Variants in GRID1 observed in about 807,000 individuals in gnomAD.
GRID1 encodes glutamate receptor ionotropic, delta-1.
In GRID1, 28 loss-of-function variants were observed where a neutral mutation model predicts 98.0. That is an observed-to-expected ratio of 0.29 (90% CI 0.21 to 0.39). The LOEUF is 0.39. Ranked by LOEUF, GRID1 falls within the 10% of genes least tolerant of loss-of-function variation. The pLI is 1.00. For synonymous variants in GRID1, 553 were observed against 538.5 expected, an observed-to-expected ratio of 1.03 and a Z score of -0.37; for missense variants, 1,111 against 1,340.5, an observed-to-expected ratio of 0.83 and a Z score of 2.67.
At chr10:85,705,910 A>G (rs1455539659) in intron 12 of GRID1, among the ~76,000 whole-genome samples, 1 of 152,252 alleles carries the variant, frequency 6.6e-6, no homozygotes, top group Non-Finnish European at 1.5e-5. Context: ...AAACTTCAAC[A>G]GCATTTCATG....
At chr10:86,060,654 G>T (rs535040158) in intron 4 of GRID1, among the ~76,000 whole-genome samples, 1 of 152,182 alleles carries the variant, frequency 6.6e-6, no homozygotes, top group Non-Finnish European at 1.5e-5. Flanking sequence ...CAGGGCGCTG[G>T]CCTGGACTGG....
At chr10:85,758,489 C>T (rs2132695218) in intron 8 of GRID1, among the ~76,000 whole-genome samples, 1 of 152,254 alleles carries the variant, frequency 6.6e-6, no homozygotes, top group Non-Finnish European at 1.5e-5. Flanking sequence ...CATAGCTTCT[C>T]CTCATTGTTG....
At chr10:86,094,194 C>A (rs2131940236) in intron 4 of GRID1, among the ~76,000 whole-genome samples, 1 of 152,234 alleles carries the variant, frequency 6.6e-6, no homozygotes, top group Non-Finnish European at 1.5e-5. Flanking sequence ...AAGGGACATA[C>A]CTTAATGTAA....
chr10:85,713,436 C>T (rs929777804), intron 12 of GRID1, among the ~76,000 whole-genome samples: 3 of 151,440 alleles, frequency 2.0e-5, no homozygotes, highest in Non-Finnish European at 3.0e-5. Flanking sequence ...AAGAAAAATG[C>T]CAATCCTTCT....
chr10:85,633,300 G>A (rs1040276594), intron 13 of GRID1, among the ~76,000 whole-genome samples: 16 of 152,124 alleles, frequency 1.1e-4, no homozygotes, highest in Non-Finnish European at 2.2e-4. Flanking sequence ...TTATTCAGGA[G>A]CCCATTAATT....
At position 85,623,435 on chromosome 10, in the gene GRID1, C is replaced by T. The variant is rs575284257; in HGVS notation, c.2194-3402G>A. Among the ~76,000 whole-genome samples, 5 of 152,334 alleles carry T rather than the reference C, an allele frequency of 3.3e-5. No homozygotes were observed. In the South Asian group the frequency reaches 6.2e-4, roughly 19 times the overall value. On this transcript the variant is annotated intron_variant, in intron 13 of 15. Transcript: ENST00000327946. ...CAAAAACTCTAAGCTTTGCTTCCTC[C>T]TTGTAGGGTCAGAATCAGTTTTCCA...
At chr10:86,309,314 AC>A (rs2132087054) in intron 2 of GRID1, among the ~76,000 whole-genome samples, 1 of 152,330 alleles carries the variant, frequency 6.6e-6, no homozygotes, top group Admixed American at 6.5e-5. Flanking sequence ...CCCTCCTTAT[AC>A]TAATGATACA....
intron 12 of GRID1, among the ~76,000 whole-genome samples, chr10:85,679,912 G>C (rs774262449): frequency 6.6e-6 from 1 of 152,196 alleles, no homozygotes; most frequent in Non-Finnish European, 1.5e-5. Context: ...TGCAGGCAGT[G>C]ACCATGATGG....
chr10:85,967,270 A>G (rs1842349690), intron 4 of GRID1, among the ~76,000 whole-genome samples: 1 of 152,220 alleles, frequency 6.6e-6, no homozygotes, highest in Admixed American at 6.5e-5. Flanking sequence ...TACAGGTAAT[A>G]AAGACATCAC....
intron 3 of GRID1, among the ~76,000 whole-genome samples, chr10:86,190,600 C>T (rs918133563): frequency 6.6e-6 from 1 of 152,232 alleles, no homozygotes; most frequent in Non-Finnish European, 1.5e-5. Flanking sequence ...GTGTGCAGGG[C>T]CCCTGGAGCT....
chr10:86,184,407 T>C (rs112677591), intron 3 of GRID1, among the ~76,000 whole-genome samples: 2,359 of 151,930 alleles, frequency 0.016, 72 homozygotes, highest in African/African-American at 0.055. Context: ...GTCTGTAAAG[T>C]ATTTTGACTT....
chr10:85,661,384 T>C (rs546257765), intron 12 of GRID1, among the ~76,000 whole-genome samples: 1 of 152,322 alleles, frequency 6.6e-6, no homozygotes, highest in South Asian at 2.1e-4. Flanking sequence ...TTTAGGATTC[T>C]CTCTTCCAGA....
At chr10:85,764,966 A>C (rs116902751) in intron 8 of GRID1, among the ~76,000 whole-genome samples, 4,998 of 152,312 alleles carry the variant, frequency 0.033, 129 homozygotes, top group Middle Eastern at 0.048. Flanking sequence ...AGGACAAAGC[A>C]AGTGGTTAGA....
intron 5 of GRID1, among the ~76,000 whole-genome samples, chr10:85,905,996 C>T (rs948591780): frequency 4.6e-5 from 7 of 151,952 alleles, no homozygotes; most frequent in Non-Finnish European, 7.4e-5. Context: ...TAAATAAGTG[C>T]TGCCTCCAGG....
chr10:85,650,282 T>G (rs879516193), intron 12 of GRID1: 1 of 152,216 alleles, frequency 6.6e-6, no homozygotes, highest in Non-Finnish European at 1.5e-5. Flanking sequence ...TGAGGGAGGC[T>G]TCACCAGGAG....
intron 10 of GRID1, among the ~76,000 whole-genome samples, chr10:85,726,415 T>C (rs1385634146): frequency 6.6e-6 from 1 of 152,154 alleles, no homozygotes; most frequent in Non-Finnish European, 1.5e-5. Context: ...TCTAAAGCAA[T>C]CTGGACAGAT....
chr10:85,985,042 C>G (rs957928798), intron 4 of GRID1, among the ~76,000 whole-genome samples: 2 of 152,152 alleles, frequency 1.3e-5, no homozygotes, highest in South Asian at 2.1e-4. Flanking sequence ...TTAGCAGCAT[C>G]TCTGGGCTCT....
chr10:86,317,286 C>A (rs1036242594), intron 2 of GRID1, among the ~76,000 whole-genome samples: 3 of 152,204 alleles, frequency 2.0e-5, no homozygotes, highest in Non-Finnish European at 4.4e-5. Flanking sequence ...CACCTCCAGG[C>A]CTGGCTGGCT....
chr10:85,837,152 C>T (rs904515929), intron 8 of GRID1, among the ~76,000 whole-genome samples: 2 of 152,068 alleles, frequency 1.3e-5, no homozygotes, highest in Non-Finnish European at 2.9e-5. Context: ...AGCCCTGCCT[C>T]CACTAGTGTC....
Sources: allele counts gnomAD v4.1 joint callset (sites outside exome capture counted in the v4.1 genomes callset), GRCh38; gene constraint gnomAD v4.1.1; transcripts MANE v1.5; gene names NCBI Gene and HGNC (gene_info 2026-07-23, HGNC 2026-07-21).